The following CCL16 variants were observed in gnomAD, a reference collection of about 807,000 sequenced individuals.
The protein encoded by CCL16 is C-C motif chemokine 16.
In CCL16, 6 loss-of-function variants were observed where a neutral mutation model predicts 7.5. That is an observed-to-expected ratio of 0.80 (90% confidence interval 0.44 to 1.57). The LOEUF (loss-of-function observed/expected upper bound fraction) is 1.57. Among genes scored for constraint, CCL16 ranks in the 40% most tolerant of loss-of-function variants. The pLI is 0.01. For synonymous variants in CCL16, 60 were observed against 57.7 expected, an observed-to-expected ratio of 1.04 and a Z score of -0.18; for missense variants, 134 against 142.9, an observed-to-expected ratio of 0.94 and a Z score of 0.32.
At chr17:35,977,823 A>G (rs1047314374) in intron 2 of CCL16, 92 bp from the exon 3 acceptor site, 9 of 1,419,650 alleles carry the variant, frequency 6.3e-6, no homozygotes, top group Admixed American at 2.1e-5. Flanking sequence ...AGCTCACCTT[A>G]TGTTCTTTAA....
In CCL16 at chr17:35,977,680, C is replaced by T; in HGVS notation, c.249G>A (p.Trp83Ter). 6.2e-7 allele frequency: 1 copy of T among 1,612,122 alleles called. No homozygotes were observed. Among genetic ancestry groups the T allele is most frequent in the Non-Finnish European group, 8.5e-7 (1 of 1,179,964 alleles). Residue 83 changes from tryptophan to a stop codon, truncating the protein, a stop_gained, in exon 3 of 3, where the codon TGG becomes TGA. Transcript: ENST00000611905. LOFTEE classifies it low-confidence loss of function (END_TRUNC). ...REVCTNPNDD[W>*]VQEYIKDPNL... is the part of the protein sequence containing the mutation. ...TGGGATCCTTGATGTACTCTTGGAC[C>T]CAGTCGTCATTGGGGTTGGTGCAGA... is the stretch of plus-strand genomic sequence containing the variant.
rs554869390 is a variant in CCL16, at chr17:35,977,735, C to T, written c.198-4G>A. The stretch of plus-strand genomic sequence containing the variant: ...TCGGTTCCTCTTGGTGACGAAGCTG[C>T]AGAGGCAGAATTAGACCGTCATGGG... On this transcript the variant is annotated splice_region_variant and splice_polypyrimidine_tract_variant and intron_variant, in intron 2 of 2. Coordinates refer to ENST00000611905, the MANE Select transcript of CCL16 (RefSeq NM_004590.4). 5.0e-6 allele frequency: 8 copies of T among 1,611,610 alleles called. No homozygotes were observed. In the African/African-American group the frequency reaches 5.3e-5, roughly 11 times the overall value.
chr17:35,977,620 C>G lies in CCL16; in HGVS notation c.309G>C (p.Thr103=). 1 of 1,612,544 alleles carries G rather than the reference C, an allele frequency of 6.2e-7. No individual in the cohort carries two copies. Among genetic ancestry groups the G allele is most frequent in the Non-Finnish European group, 8.5e-7 (1 of 1,180,006 alleles). Residue 103 remains threonine (T), a synonymous_variant, in exon 3 of 3, where the codon ACG becomes ACC. Coordinates refer to ENST00000611905, the MANE Select transcript of CCL16 (RefSeq NM_004590.4). ...CATTCTTTGCTGTAATAATTTTAAC[C>G]GTGGACAAGTTCCTGGTAGGCAGCA... ...LPLLPTRNLS[T]VKIITAKNGQ... is the part of the protein sequence containing the mutation.
intron 1 of CCL16, among the ~76,000 whole-genome samples, 183 bp downstream of exon 1, chr17:35,981,162 C>T (rs1191050881): frequency 6.6e-6 from 1 of 152,118 alleles, no homozygotes; most frequent in East Asian, 1.9e-4. Context: ...CCAGAAAGAT[C>T]CGGACCAACC....
chr17:35,978,442 A>G (rs1279934603), intron 1 of CCL16, among the ~76,000 whole-genome samples, 179 bp from the exon 2 acceptor site: 10 of 152,250 alleles, frequency 6.6e-5, no homozygotes, highest in Admixed American at 3.3e-4. Flanking sequence ...GGGGACATAC[A>G]TTTAGAACCC....
intron 1 of CCL16, among the ~76,000 whole-genome samples, chr17:35,980,737 A>C (rs771633091): frequency 6.6e-6 from 1 of 151,988 alleles, no homozygotes; most frequent in Non-Finnish European, 1.5e-5. Context: ...ACAGCTCCAA[A>C]ACCTTTCAAC....
At chr17:35,978,336 C>T (rs890489589) in intron 1 of CCL16, 73 bp from the exon 2 acceptor site, 4 of 1,601,908 alleles carry the variant, frequency 2.5e-6, no homozygotes, top group Non-Finnish European at 3.4e-6. Flanking sequence ...CTGTCTCCCA[C>T]CATTTGTGTT....
At position 35,977,507 on chromosome 17, in the gene CCL16, T is replaced by G. The variant is rs2089646991; in HGVS notation, c.*59A>C. 1 of 1,506,596 alleles carries G rather than the reference T, an allele frequency of 6.6e-7. No individual in the cohort carries two copies. Among genetic ancestry groups the G allele is most frequent in the South Asian group, 1.2e-5 (1 of 82,456 alleles). 93.3% of individuals were successfully genotyped at this position (1,506,596 alleles called of 1,614,324 possible). On this transcript the variant is annotated 3_prime_UTR_variant, in exon 3 of 3. Coordinates refer to ENST00000611905, the MANE Select transcript of CCL16 (RefSeq NM_004590.4). ...AGTTTCAGCCTAATAAGGCTTCCCC[T>G]GTTTTCATAGGTTTACCCCTCTCTT... is the stretch of plus-strand genomic sequence containing the variant.
At chr17:35,979,336 T>G (rs185805421) in intron 1 of CCL16, among the ~76,000 whole-genome samples, 146 of 152,148 alleles carry the variant, frequency 9.6e-4, no homozygotes, top group Non-Finnish European at 1.5e-3. Flanking sequence ...GCTGAGCTAC[T>G]GAGGAATTTG....
chr17:35,980,352 C>T (rs1454128400), intron 1 of CCL16: 1 of 152,828 alleles, frequency 6.5e-6, no homozygotes, highest in African/African-American at 2.4e-5. Flanking sequence ...GAAACCCCGT[C>T]TCTACTAAAA....
chr17:35,980,873 GCCAGC>G (rs2089675974), intron 1 of CCL16, among the ~76,000 whole-genome samples: 1 of 152,140 alleles, frequency 6.6e-6, no homozygotes, highest in Non-Finnish European at 1.5e-5. Context: ...AGCAACCTGT[GCCAGC>G]CATGTTGAGG....
In CCL16 at chr17:35,978,076, T is replaced by G. The variant is rs1339726119; in HGVS notation, c.197+67A>C. On this transcript the variant is annotated intron_variant, in intron 2 of 2. Coordinates refer to ENST00000611905, the MANE Select transcript of CCL16 (RefSeq NM_004590.4). The stretch of plus-strand genomic sequence containing the variant: ...CTAGCATGGAGACCTCTTGATCCCA[T>G]GTATCTCATTCCTGCCCCTGGGCTC... The G allele has an allele frequency of 3.7e-6, 6 of 1,602,420 alleles. No homozygotes were observed. In the African/African-American group the frequency reaches 4.0e-5, roughly 11 times the overall value.
Position 35,977,685 on chromosome 17 carries a change from C to T in CCL16, c.244G>A (p.Asp82Asn), listed in dbSNP as rs775901091. 5 of 1,612,014 alleles carry T rather than the reference C, an allele frequency of 3.1e-6. No homozygotes were observed. The highest frequency in any genetic ancestry group is 2.2e-5 in the South Asian group (2 of 90,962). Residue 82 changes from aspartate to asparagine, a missense_variant, in exon 3 of 3, where the codon GAC becomes AAC. Transcript: ENST00000611905. ...NREVCTNPND[D>N]WVQEYIKDPN... The stretch of plus-strand genomic sequence containing the variant: ...TCCTTGATGTACTCTTGGACCCAGT[C>T]GTCATTGGGGTTGGTGCAGACTTCT...
intron 1 of CCL16, chr17:35,980,235 A>G (rs2089670572): frequency 6.6e-6 from 1 of 152,640 alleles, no homozygotes; most frequent in African/African-American, 2.4e-5. Context: ...CTTAAGAGAG[A>G]AAAGAGGCCA....
Position 35,978,233 on chromosome 17 carries a change from G to A in CCL16, c.107C>T (p.Thr36Ile), listed in dbSNP as rs1486674347. The change falls in exon 2 of 3, where the codon ACC becomes ATC. Residue 36 changes from threonine to isoleucine, a missense_variant. Coordinates refer to ENST00000611905, the MANE Select transcript of CCL16 (RefSeq NM_004590.4). ...TTTCTCATAATACTTCAGGCAGCAG[G>A]TGGATGGGGTGTTCACCCACTCAGG... is the stretch of plus-strand genomic sequence containing the variant. ...KVPEWVNTPS[T>I]CCLKYYEKVL... The A allele has an allele frequency of 3.7e-6, 6 of 1,614,116 alleles. No individual in the cohort carries two copies. The highest frequency in any genetic ancestry group is 5.1e-6 in the Non-Finnish European group (6 of 1,180,044).
intron 1 of CCL16, among the ~76,000 whole-genome samples, chr17:35,981,029 T>G (rs570791470): frequency 2.7e-4 from 41 of 152,296 alleles, no homozygotes; most frequent in Non-Finnish European, 5.0e-4. Flanking sequence ...TCCCTTTCAT[T>G]GCATGCACTT....
At position 35,977,727 on chromosome 17, in the gene CCL16, C is replaced by T. The variant is rs752595378; in HGVS notation, c.202G>A (p.Val68Ile). The T allele has an allele frequency of 7.4e-6, 12 of 1,611,572 alleles. No homozygotes were observed. The South Asian group carries it at 7.7e-5, about 10-fold the overall frequency. Residue 68 changes from valine to isoleucine, a missense_variant, in exon 3 of 3, where the codon GTC becomes ATC. By Grantham distance (29) the Val-to-Ile change is conservative (BLOSUM62 3). Transcript: ENST00000611905. ...CAGACTTCTCGGTTCCTCTTGGTGA[C>T]GAAGCTGCAGAGGCAGAATTAGACC... ...LNCHLPAIIF[V>I]TKRNREVCTN... is the part of the protein sequence containing the mutation.
intron 2 of CCL16, 148 bp downstream of exon 2, chr17:35,977,995 T>C: frequency 5.9e-6 from 7 of 1,178,864 alleles, no homozygotes; most frequent in Admixed American, 2.2e-5. Flanking sequence ...AATTAGGAAT[T>C]AATCCCAGGC....
rs201371224 is a variant in CCL16, at chr17:35,978,278, T to C, written c.77-15A>G. The C allele has an allele frequency of 2.0e-5, 32 of 1,614,150 alleles. No individual in the cohort carries two copies. In the East Asian group the frequency reaches 7.1e-4, roughly 36 times the overall value. ...CTCAGGAACTTCTGAAGGAATCACA[T>C]TGCAAGCTGAGCCAGGGAAGCAGAG... On this transcript the variant is annotated splice_polypyrimidine_tract_variant and intron_variant, in intron 1 of 2. Transcript: ENST00000611905.
Sources: gnomAD v4.1 joint callset for allele counts (sites outside exome capture counted in the v4.1 genomes callset) on GRCh38, gnomAD v4.1.1 for gene constraint, MANE v1.5 for transcripts, NCBI Gene and HGNC (gene_info 2026-07-23, HGNC 2026-07-21) for gene names.